Variants in GTPBP4 observed in about 807,000 individuals in gnomAD.
GTPBP4 encodes the protein GTP binding protein 4.
In GTPBP4, 15 loss-of-function variants were observed where a neutral mutation model predicts 81.7. The ratio of observed to expected loss-of-function variants is 0.18; its 90% CI spans 0.12 to 0.28. The LOEUF is 0.28. Ranked by LOEUF, GTPBP4 falls within the 10% of genes least tolerant of loss-of-function variation. The probability of loss-of-function intolerance (pLI) is 1.00; values close to 1 mark genes in which losing one functional copy is unlikely to be tolerated. For missense variants in GTPBP4, 847 were observed against 793.8 expected (o/e 1.07, Z -0.81); for synonymous variants, 272 against 274.6 (o/e 0.99, Z 0.09).
At chr10:1,000,362 C>T (rs1831604405) in intron 6 of GTPBP4, among the ~76,000 whole-genome samples, 1 of 150,754 alleles carries the variant, frequency 6.6e-6, no homozygotes, top group Non-Finnish European at 1.5e-5. Flanking sequence ...CTCAGCCTCC[C>T]GAGTAGCTGG....
At chr10:1,013,972 G>C (rs1219354225) in intron 14 of GTPBP4, among the ~76,000 whole-genome samples, 5 of 152,206 alleles carry the variant, frequency 3.3e-5, no homozygotes, top group Non-Finnish European at 5.9e-5. Context: ...CTCTGATGGA[G>C]ACGGTCACTC....
chr10:996,087 T>C lies in GTPBP4; in HGVS notation c.324-19T>C. On this transcript the variant is annotated intron_variant, in intron 3 of 16. Transcript: ENST00000360803. ...AAGTTATCGAAAGTGGAAAAAATAA[T>C]ATTTTTTATTTTTTACAGTGTTGCT... 1 of 1,579,148 alleles carries C rather than the reference T, an allele frequency of 6.3e-7. No individual in the cohort carries two copies. The highest frequency in any genetic ancestry group is 8.7e-7 in the Non-Finnish European group (1 of 1,155,784).
intron 1 of GTPBP4, among the ~76,000 whole-genome samples, chr10:990,707 A>C (rs946403306): frequency 1.6e-5 from 2 of 121,814 alleles, no homozygotes; most frequent in African/African-American, 6.6e-5. Flanking sequence ...CAGCCTGGGC[A>C]ACAGAGCAAG....
At chr10:1,009,490 G>T (rs377396657) in intron 11 of GTPBP4, 39 bp from the exon 12 acceptor site, 37 of 1,426,880 alleles carry the variant, frequency 2.6e-5, no homozygotes, top group Non-Finnish European at 3.4e-5. Context: ...GATCTGAAAG[G>T]CAAAATGAAG....
chr10:1,009,458 G>T, intron 11 of GTPBP4, 71 bp from the exon 12 acceptor site: 1 of 994,582 alleles, frequency 1.0e-6, no homozygotes, highest in South Asian at 1.3e-5. Context: ...TGTTTCAAGT[G>T]ACAAGGGGCA....
At chr10:1,015,414 G>T (rs11250217) in intron 15 of GTPBP4, among the ~76,000 whole-genome samples, 11,966 of 25,350 alleles carry the variant, frequency 0.47, 1,645 homozygotes, top group Non-Finnish European at 0.55. Flanking sequence ...GGTCCTGAGC[G>T]CTGAGCCTGG....
At chr10:990,935 A>G (rs924722028) in intron 1 of GTPBP4, among the ~76,000 whole-genome samples, 6 of 151,914 alleles carry the variant, frequency 3.9e-5, no homozygotes, top group African/African-American at 1.2e-4. Context: ...CATTAGGTGC[A>G]GAAGAACGTA....
At position 1,000,990 on chromosome 10, in the gene GTPBP4, G is replaced by A. The variant is rs1831620812; in HGVS notation, c.889G>A (p.Ala297Thr). The change falls in exon 8 of 17, where the codon GCT becomes ACT. Residue 297 changes from alanine to threonine, a missense_variant. Coordinates refer to ENST00000360803, the MANE Select transcript of GTPBP4 (RefSeq NM_012341.3). Reference protein sequence around the residue: ...VANKCDVKRIAELSEDDQKIF... With the variant: ...VANKCDVKRITELSEDDQKIF... ...CAACAAATGTGATGTGAAGAGAATA[G>A]CTGAACTTTCTGAAGATGATCAGGT... 2 of 1,609,052 alleles carry A rather than the reference G, an allele frequency of 1.2e-6. No individual in the cohort carries two copies.
rs1211655343 is a variant in GTPBP4 at position 1,000,793 on chromosome 10, G to C, written c.771G>C (p.Leu257Phe). The C allele has an allele frequency of 2.5e-6, 4 of 1,611,474 alleles. No individual in the cohort carries two copies. Among genetic ancestry groups the C allele is most frequent in the African/African-American group, 1.3e-5 (1 of 74,862 alleles). Residue 257 changes from leucine to phenylalanine, a missense_variant, in exon 7 of 17, where the codon TTG (leucine) becomes TTC (phenylalanine). Coordinates refer to ENST00000360803, the MANE Select transcript of GTPBP4 (RefSeq NM_012341.3). ...CTGCGGTCCTGTATGTGATGGATTTGTCTGAGCAGTGTGGGCATGGGCTGA... is the reference window on the plus strand; with the variant it reads ...CTGCGGTCCTGTATGTGATGGATTTCTCTGAGCAGTGTGGGCATGGGCTGA... ...LRAAVLYVMD[L>F]SEQCGHGLRE...
chr10:1,001,435 C>T (rs1831628986), intron 8 of GTPBP4, among the ~76,000 whole-genome samples: 1 of 152,186 alleles, frequency 6.6e-6, no homozygotes, highest in South Asian at 2.1e-4. Flanking sequence ...ATGAGTGAGA[C>T]GTGCCTGCTA....
Position 996,327 on chromosome 10 carries a change from C to T in GTPBP4, c.460+85C>T, listed in dbSNP as rs1458555880. On this transcript the variant is annotated intron_variant, in intron 4 of 16. Transcript: ENST00000360803. ...TTGAGGACTTGAGATGTCTGTTTTT[C>T]TTGTATTTTGGAGATGACAGGGTCA... The T allele has an allele frequency of 6.4e-6, 8 of 1,257,658 alleles. No homozygotes were observed. The African/African-American group carries it at 1.0e-4, about 16-fold the overall frequency. The allele number at this position is 1,257,658 out of a possible 1,614,324, so 77.9% of individuals were successfully genotyped here. A position where few individuals can be genotyped will look rare whatever the true frequency, so the allele number is the denominator to read the frequency against.
chr10:998,223 C>T (rs901623126), intron 5 of GTPBP4, among the ~76,000 whole-genome samples: 18 of 152,208 alleles, frequency 1.2e-4, no homozygotes, highest in Non-Finnish European at 2.5e-4. Context: ...CCTCAGCCAC[C>T]CAAGTAGCTG....
chr10:1,010,399 C>T (rs748818554), intron 12 of GTPBP4, 21 bp from the exon 13 acceptor site: 39 of 1,265,360 alleles, frequency 3.1e-5, no homozygotes, highest in Non-Finnish European at 4.5e-5. Context: ...GTAAACGTAA[C>T]CACCTTTTTT....
chr10:1,009,641 A>C, intron 12 of GTPBP4, 61 bp downstream of exon 12: 1 of 922,934 alleles, frequency 1.1e-6, no homozygotes, highest in Middle Eastern at 2.1e-4. Context: ...TATTTCAGAA[A>C]ATGGGGGAAA....
At position 1,012,484 on chromosome 10, in the gene GTPBP4, A is replaced by C; in HGVS notation, c.1364A>C (p.Lys455Thr). 6.3e-7 allele frequency: 1 copy of C among 1,597,498 alleles called. No homozygotes were observed. The highest frequency in any genetic ancestry group is 1.7e-4 in the Middle Eastern group (1 of 5,986). The change falls in exon 14 of 17, where the codon AAA becomes ACA. Residue 455 changes from lysine (K) to threonine (T), a missense_variant. Coordinates refer to ENST00000360803, the MANE Select transcript of GTPBP4 (RefSeq NM_012341.3). ...TTAAAGAAATTGGAAGAATTAGAAA[A>C]AGAAGAAGAGCTGAGAACAGCTGCT... ...AIMKKLEELE[K>T]EEELRTAAGE...
At chr10:1,009,852 G>A (rs761762647) in intron 12 of GTPBP4, among the ~76,000 whole-genome samples, 53 of 152,306 alleles carry the variant, frequency 3.5e-4, no homozygotes, top group South Asian at 8.3e-4. Flanking sequence ...AAGATTAGCC[G>A]GGTGTGGTGG....
At chr10:991,224 G>A (rs1831435828) in intron 1 of GTPBP4, among the ~76,000 whole-genome samples, 1 of 152,238 alleles carries the variant, frequency 6.6e-6, no homozygotes, top group South Asian at 2.1e-4. Flanking sequence ...ATTCCGTGAA[G>A]GAAGGGACAG....
Position 1,019,478 on chromosome 10 carries a change from T to G in GTPBP4, c.*2251T>G. On this transcript the variant is annotated 3_prime_UTR_variant, in exon 17 of 17. Transcript: ENST00000360803. The stretch of plus-strand genomic sequence containing the variant: ...GCCTCAATGGTGCGTCTGCCTGCAC[T>G]GAGGGCATTACACATGGCTGACTCG... The G allele has an allele frequency of 6.5e-7, 1 of 1,546,338 alleles. No individual in the cohort carries two copies. Among genetic ancestry groups the G allele is most frequent in the Non-Finnish European group, 8.8e-7 (1 of 1,134,244 alleles).
intron 2 of GTPBP4, among the ~76,000 whole-genome samples, chr10:993,272 A>G (rs1831479536): frequency 1.3e-5 from 2 of 151,764 alleles, no homozygotes; most frequent in Admixed American, 1.3e-4. Context: ...TTTTTTTTGG[A>G]GACTGAGTCT....
Sources: allele counts gnomAD v4.1 joint callset (sites outside exome capture counted in the v4.1 genomes callset), GRCh38; gene constraint gnomAD v4.1.1; transcripts MANE v1.5; gene names NCBI Gene and HGNC (gene_info 2026-07-23, HGNC 2026-07-21).